The following PSRC1 variants were observed in gnomAD, a reference collection of about 807,000 sequenced individuals.
PSRC1 encodes proline and serine rich coiled-coil 1.
Under a neutral mutation model 31.9 loss-of-function variants are expected in PSRC1, and 30 were observed. That is an observed-to-expected ratio of 0.94 (90% CI 0.70 to 1.28). The LOEUF (loss-of-function observed/expected upper bound fraction) is 1.28. Ranked by LOEUF, PSRC1 falls within the 50% of genes most tolerant of loss-of-function variation. The probability of loss-of-function intolerance (pLI) is 0.00; values close to 1 mark genes in which losing one functional copy is unlikely to be tolerated. For missense variants in PSRC1, 481 were observed against 472.8 expected (o/e 1.02, Z -0.16); for synonymous variants, 191 against 192.1 (o/e 0.99, Z 0.05).
chr1:109,282,541 A>C, exon 3 of PSRC1: 1 of 1,614,116 alleles, frequency 6.2e-7, no homozygotes. Flanking sequence ...ACAGCCCCCC[A>C]AAGTCCAAGG....
chr1:109,281,694 G>C, exon 4 of PSRC1: 1 of 1,614,040 alleles, frequency 6.2e-7, no homozygotes, highest in Non-Finnish European at 8.5e-7. Context: ...CATTACTCCG[G>C]AGTCGAGGCG....
Position 109,280,385 on chromosome 1 carries a change from A to T in PSRC1, c.1088+11T>A. The stretch of plus-strand genomic sequence containing the variant: ...AGGGAGACAGGATGGGCAAGGGAGG[A>T]CCAGACTGACCTGGTAGGTCCTGGG... On this transcript the variant is annotated intron_variant, in intron 6 of 6. Transcript: ENST00000409138. 6.3e-7 allele frequency: 1 copy of T among 1,597,006 alleles called. No individual in the cohort carries two copies. The highest frequency in any genetic ancestry group is 1.1e-5 in the South Asian group (1 of 89,284).
chr1:109,280,022 G>T, exon 7 of PSRC1: 2 of 1,197,956 alleles, frequency 1.7e-6, no homozygotes, highest in Non-Finnish European at 2.5e-6. Flanking sequence ...TGGGAGACCA[G>T]CCCTGGTGGC....
chr1:109,281,567 A>G lies in PSRC1; in HGVS notation c.519+52T>C. The G allele has an allele frequency of 3.4e-6, 5 of 1,464,414 alleles. No homozygotes were observed. The South Asian group carries it at 4.9e-5, about 14-fold the overall frequency. The allele number at this position is 1,464,414 out of a possible 1,614,324, so 90.7% of individuals were successfully genotyped here. On this transcript the variant is annotated intron_variant, in intron 4 of 6. Transcript: ENST00000409138. Reference sequence around the variant, plus strand: ...CAATAAGGAAACCACTCCCTGCATCATGGCACACACCATGTCTGGGGCACA... The same window carrying G: ...CAATAAGGAAACCACTCCCTGCATCGTGGCACACACCATGTCTGGGGCACA...
chr1:109,280,586 C>G, intron 5 of PSRC1, 97 bp from the exon 7 acceptor site: 1 of 1,068,480 alleles, frequency 9.4e-7, no homozygotes, highest in Non-Finnish European at 1.4e-6. Context: ...GATTAGTACT[C>G]TCCCCCTGAC....
exon 3 of PSRC1, chr1:109,282,555 C>T: frequency 6.2e-7 from 1 of 1,614,176 alleles, no homozygotes; most frequent in Non-Finnish European, 8.5e-7. Context: ...TCCAAGGTCT[C>T]ATCCACAATA....
rs754495062 is a variant in PSRC1, at chr1:109,281,882, C to T, written c.256G>A (p.Ala86Thr). ...TGCAGGGCACACTGCTCCAGCTGAG[C>T]GGCCAGCCGGTTGGCCTCATCGAGG... The change falls in exon 4 of 7, where the codon GCT (alanine) becomes ACT (threonine). Residue 86 changes from alanine to threonine, a missense_variant. Ala to Thr is a moderately conservative substitution (Grantham distance 58). Transcript: ENST00000409138. 10 of 1,611,998 alleles carry T rather than the reference C, an allele frequency of 6.2e-6. No individual in the cohort carries two copies. Among genetic ancestry groups the T allele is most frequent in the South Asian group, 2.2e-5 (2 of 91,032 alleles).
intron 1 of PSRC1, 61 bp downstream of exon 1, chr1:109,283,002 T>G (rs1192937090): frequency 1.4e-5 from 8 of 554,748 alleles, no homozygotes; most frequent in African/African-American, 3.8e-5. Context: ...GCCACTATCC[T>G]CAGGGTTCTG....
chr1:109,282,373 G>A (rs1657315411), intron 3 of PSRC1, 145 bp downstream of exon 3: 3 of 707,514 alleles, frequency 4.2e-6, no homozygotes, highest in Non-Finnish European at 7.3e-6. Flanking sequence ...TAGTGTCATA[G>A]AGGCCCGAGT....
intron 1 of PSRC1, 106 bp from the exon 2 acceptor site, chr1:109,282,842 C>T (rs1657407737): frequency 2.8e-6 from 3 of 1,083,218 alleles, no homozygotes; most frequent in Non-Finnish European, 2.7e-6. Context: ...GCAAAGCAAG[C>T]GCCCAGGAGT....
At position 109,282,661 on chromosome 1, in the gene PSRC1, C is replaced by T. The variant is rs746160811; in HGVS notation, c.19+19G>A. On this transcript the variant is annotated intron_variant, in intron 2 of 6. Coordinates refer to ENST00000409138, the Ensembl canonical transcript of PSRC1. ...GGTCTCACTCCTCCCTTTCATTCTT[C>T]CCTCCCTCCTTTCCTTACCTTCCTC... is the stretch of plus-strand genomic sequence containing the variant. 7 of 1,572,378 alleles carry T rather than the reference C, an allele frequency of 4.5e-6. No individual in the cohort carries two copies. The highest frequency in any genetic ancestry group is 6.0e-6 in the Non-Finnish European group (7 of 1,157,100).
exon 7 of PSRC1, chr1:109,279,814 G>T (rs749864688): frequency 1.4e-5 from 5 of 352,598 alleles, no homozygotes; most frequent in Non-Finnish European, 2.6e-5. Flanking sequence ...TGCCAAGGAA[G>T]AAGATAAAAT....
exon 5 of PSRC1, chr1:109,280,851 T>C: frequency 6.2e-7 from 1 of 1,613,192 alleles, no homozygotes; most frequent in South Asian, 1.1e-5. Context: ...TGACAGAGAA[T>C]CCGGAGGTAG....
intron 5 of PSRC1, 67 bp downstream of exon 6, chr1:109,280,710 G>T: frequency 7.4e-7 from 1 of 1,345,336 alleles, no homozygotes. Context: ...AGTGGTCACT[G>T]TTGACAGCTC....
chr1:109,281,727 G>A, exon 4 of PSRC1: 1 of 1,614,006 alleles, frequency 6.2e-7, no homozygotes, highest in South Asian at 1.1e-5. Flanking sequence ...GGGAGGGGGT[G>A]CTCCGCGTCA....
At chr1:109,283,042 G>A (rs1657452125) in intron 1 of PSRC1, 21 bp downstream of exon 1, 1 of 424,736 alleles carries the variant, frequency 2.4e-6, no homozygotes. Flanking sequence ...CCACTCCCCT[G>A]GCATCACACG....
At chr1:109,281,114 C>A in exon 5 of PSRC1, 1 of 1,613,424 alleles carries the variant, frequency 6.2e-7, no homozygotes, top group Non-Finnish European at 8.5e-7. Context: ...TCACCCGCAA[C>A]TTGGCTGCTC....
exon 7 of PSRC1, chr1:109,280,143 C>T: frequency 6.2e-7 from 1 of 1,614,132 alleles, no homozygotes; most frequent in Admixed American, 1.7e-5. Flanking sequence ...TGCTTGCTGT[C>T]CTGATCTCTT....
At chr1:109,281,148 C>G (rs569207773) in exon 5 of PSRC1, 2 of 1,613,626 alleles carry the variant, frequency 1.2e-6, no homozygotes, top group Non-Finnish European at 1.7e-6. Context: ...GGCTGCTGCT[C>G]TCCCACTGGG....
Sources: gnomAD v4.1 joint callset for allele counts on GRCh38, gnomAD v4.1.1 for gene constraint, MANE v1.5 for transcripts, NCBI Gene and HGNC (gene_info 2026-07-23, HGNC 2026-07-21) for gene names.